Variants in SPIDR observed in about 807,000 individuals in gnomAD.
The protein encoded by SPIDR is scaffold protein involved in DNA repair.
Under a neutral mutation model 104.6 loss-of-function variants are expected in SPIDR, and 93 were observed. The observed-to-expected ratio is 0.89, with a 90% CI of 0.75 to 1.06. The LOEUF (loss-of-function observed/expected upper bound fraction) is 1.06, where lower values mean the gene tolerates loss of function less well. SPIDR is among the 50% of genes least tolerant of loss of function. The pLI, the probability that SPIDR is intolerant of heterozygous loss-of-function variation, is 0.00. For synonymous variants in SPIDR, 431 were observed against 416.9 expected, an observed-to-expected ratio of 1.03 and a Z score of -0.41; for missense variants, 1,154 against 1,111.2, an observed-to-expected ratio of 1.04 and a Z score of -0.55.
At chr8:47,370,623 T>A (rs1217123683) in intron 5 of SPIDR, among the ~76,000 whole-genome samples, 2 of 151,512 alleles carry the variant, frequency 1.3e-5, no homozygotes, top group African/African-American at 4.9e-5. Flanking sequence ...ATTTTTTTTT[T>A]ATCTTTAATA....
chr8:47,302,987 A>G (rs1200488326), intron 5 of SPIDR, among the ~76,000 whole-genome samples: 1 of 152,184 alleles, frequency 6.6e-6, no homozygotes, highest in Non-Finnish European at 1.5e-5. Flanking sequence ...AGACAGGTAC[A>G]TTTAATTCTG....
intron 8 of SPIDR, among the ~76,000 whole-genome samples, chr8:47,585,023 A>C (rs1357450574): frequency 1.3e-5 from 2 of 152,214 alleles, no homozygotes; most frequent in African/African-American, 4.8e-5. Context: ...TAGGTATTAG[A>C]TACTAAGAAA....
At chr8:47,277,005 C>G (rs981392002) in intron 1 of SPIDR, 1 of 151,744 alleles carries the variant, frequency 6.6e-6, no homozygotes, top group Non-Finnish European at 1.5e-5. Context: ...CTTGGCTCAC[C>G]GCAACTGCCG....
At chr8:47,281,165 A>G (rs1181497024) in intron 2 of SPIDR, among the ~76,000 whole-genome samples, 1 of 152,200 alleles carries the variant, frequency 6.6e-6, no homozygotes, top group Non-Finnish European at 1.5e-5. Flanking sequence ...ATTTAAAAAT[A>G]CTTTGTTGCT....
At chr8:47,264,908 C>T (rs1289949321) in intron 1 of SPIDR, among the ~76,000 whole-genome samples, 1 of 152,118 alleles carries the variant, frequency 6.6e-6, no homozygotes, top group Non-Finnish European at 1.5e-5. Flanking sequence ...AATAATGAAA[C>T]ACCATGATAA....
chr8:47,291,103 G>A lies in SPIDR; in HGVS notation c.327G>A (p.Ser109=), dbSNP rs924570792. ...ITWSSSGSDL[S]DEDKTLSQLQ... is the part of the protein sequence containing the mutation. ...GGAGCTCCAGTGGAAGTGATTTGTC[G>A]GATGAAGATAAGACACTTTCTCAGT... The change falls in exon 4 of 20, where the codon TCG becomes TCA. Residue 109 remains serine (S), a synonymous_variant. Coordinates refer to ENST00000297423, the MANE Select transcript of SPIDR (RefSeq NM_001080394.4). The A allele has an allele frequency of 2.9e-5, 47 of 1,612,786 alleles. No individual in the cohort carries two copies. The highest frequency in any genetic ancestry group is 1.0e-4 in the Admixed American group (6 of 59,918).
intron 17 of SPIDR, among the ~76,000 whole-genome samples, chr8:47,728,555 C>T (rs1479115864): frequency 6.6e-6 from 1 of 152,098 alleles, no homozygotes; most frequent in East Asian, 1.9e-4. Context: ...GAGATGAGCA[C>T]ATGTGCAGGC....
At chr8:47,400,021 A>G (rs1262599963) in intron 6 of SPIDR, among the ~76,000 whole-genome samples, 1 of 152,194 alleles carries the variant, frequency 6.6e-6, no homozygotes, top group African/African-American at 2.4e-5. Context: ...GACATCAGCA[A>G]GAATGGTGGC....
intron 5 of SPIDR, among the ~76,000 whole-genome samples, chr8:47,386,902 G>T (rs868963043): frequency 1.1e-3 from 110 of 99,388 alleles, no homozygotes; most frequent in African/African-American, 3.5e-3. Context: ...AAGAGAGAGA[G>T]AGATATAGAT....
intron 8 of SPIDR, among the ~76,000 whole-genome samples, chr8:47,585,218 G>A (rs2060141646): frequency 6.6e-6 from 1 of 152,142 alleles, no homozygotes; most frequent in Admixed American, 6.6e-5. Flanking sequence ...TTGAGTACTA[G>A]AAATTTTGCA....
chr8:47,282,434 A>G (rs1169264381), intron 2 of SPIDR, among the ~76,000 whole-genome samples: 3 of 152,252 alleles, frequency 2.0e-5, no homozygotes, highest in African/African-American at 4.8e-5. Flanking sequence ...GATCTTAACT[A>G]GATCTTCTGG....
intron 10 of SPIDR, among the ~76,000 whole-genome samples, chr8:47,638,883 A>G (rs2068387366): frequency 6.6e-6 from 1 of 152,220 alleles, no homozygotes; most frequent in South Asian, 2.1e-4. Flanking sequence ...ATTTCAGGAT[A>G]TCATCGGCAT....
chr8:47,301,178 A>T (rs2042014152), intron 5 of SPIDR, among the ~76,000 whole-genome samples: 2 of 152,136 alleles, frequency 1.3e-5, no homozygotes, highest in Non-Finnish European at 2.9e-5. Flanking sequence ...TTCTTGTTGA[A>T]TGATCCCTTT....
chr8:47,571,053 G>A (rs563726860), intron 8 of SPIDR, among the ~76,000 whole-genome samples: 6 of 151,952 alleles, frequency 3.9e-5, no homozygotes, highest in South Asian at 4.2e-4. Flanking sequence ...ATCGCACCAC[G>A]GCACTCCAGC....
chr8:47,265,229 G>A (rs928463127), intron 1 of SPIDR, among the ~76,000 whole-genome samples: 6 of 129,862 alleles, frequency 4.6e-5, no homozygotes, highest in Admixed American at 1.8e-4. Context: ...TTACTCTGTC[G>A]CCCAGGCTGG....
At chr8:47,583,044 C>A (rs1262303475) in intron 8 of SPIDR, among the ~76,000 whole-genome samples, 2 of 151,672 alleles carry the variant, frequency 1.3e-5, no homozygotes, top group Admixed American at 1.3e-4. Context: ...CCACTATGGC[C>A]ACCAACTTCT....
chr8:47,721,151 G>A (rs1246330835), intron 16 of SPIDR, among the ~76,000 whole-genome samples: 2 of 152,052 alleles, frequency 1.3e-5, no homozygotes, highest in South Asian at 2.1e-4. Flanking sequence ...TTGCATTTCT[G>A]GTGTTACATC....
In SPIDR at chr8:47,511,256, T is replaced by C. The variant is rs557377273; in HGVS notation, c.1097+70714T>C. ...CCGTCTGCAAGCCGAATTTGGATGTTTGTGGTAGTCTCTGATTCGACGATT... is the reference window on the plus strand; with the variant it reads ...CCGTCTGCAAGCCGAATTTGGATGTCTGTGGTAGTCTCTGATTCGACGATT... On this transcript the variant is annotated intron_variant, in intron 8 of 19. Coordinates refer to ENST00000297423, the MANE Select transcript of SPIDR (RefSeq NM_001080394.4). 307 of 1,582,338 alleles carry C rather than the reference T, an allele frequency of 1.9e-4. 3 individuals are homozygous for C. Among genetic ancestry groups the C allele is most frequent in the Middle Eastern group, 1.4e-3 (8 of 5,540 alleles).
At chr8:47,572,708 A>ATAAATAAATAAATAACTAAC (rs1381705109) in intron 8 of SPIDR, among the ~76,000 whole-genome samples, 1 of 148,360 alleles carries the variant, frequency 6.7e-6, no homozygotes, top group Non-Finnish European at 1.5e-5. Context: ...AAATAAATAA[A>ATAAATAAATAAATAACTAAC]TAACTTGTAC....
Sources: gnomAD v4.1 joint callset for allele counts (sites outside exome capture counted in the v4.1 genomes callset) on GRCh38, gnomAD v4.1.1 for gene constraint, MANE v1.5 for transcripts, NCBI Gene and HGNC (gene_info 2026-07-23, HGNC 2026-07-21) for gene names.